Variants in DCTN1 observed in about 807,000 individuals in gnomAD.
DCTN1 encodes 150 kDa dynein-associated polypeptide.
A neutral mutation model predicts 161.2 loss-of-function variants in DCTN1; 61 were observed. The observed-to-expected ratio is 0.38, with a 90% confidence interval of 0.31 to 0.47. The LOEUF (loss-of-function observed/expected upper bound fraction) is 0.47, where lower values mean the gene tolerates loss of function less well. Among genes scored for constraint, DCTN1 ranks in the 20% least tolerant of loss-of-function variants. The pLI is 0.99. For synonymous variants in DCTN1, 653 were observed against 632.4 expected (o/e 1.03, Z -0.49); for missense variants, 1,404 against 1,623.7 (o/e 0.86, Z 2.33).
upstream of DCTN1, chr2:74,380,592 A>C (rs1346087172): frequency 2.1e-6 from 1 of 471,416 alleles, no homozygotes; most frequent in South Asian, 1.5e-5. Context: ...TAGAGCCTCC[A>C]CACAGCCAAA....
intron 1 of DCTN1, 129 bp downstream of exon 1, chr2:74,379,876 G>C (rs763546381): frequency 6.2e-6 from 6 of 974,386 alleles, no homozygotes; most frequent in African/African-American, 3.2e-5. Context: ...GGGCTCCTTA[G>C]AAAACACAGT....
At chr2:74,390,538 TAAA>T (rs1675944769) in intron 1 of DCTN1, 4 of 402,444 alleles carry the variant, frequency 9.9e-6, no homozygotes, top group Non-Finnish European at 2.1e-5. Flanking sequence ...CACAGAATTT[TAAA>T]TCTGAAAGAA....
chr2:74,380,895 A>G (rs937431241), upstream of DCTN1, among the ~76,000 whole-genome samples: 1 of 152,184 alleles, frequency 6.6e-6, no homozygotes, highest in African/African-American at 2.4e-5. Flanking sequence ...GTAAAACACA[A>G]GAGTATCAGA....
chr2:74,368,416 A>G, intron 16 of DCTN1: 1 of 604,822 alleles, frequency 1.7e-6, no homozygotes, highest in East Asian at 2.9e-5. Flanking sequence ...CTCTCCACCT[A>G]GAATGCTATC....
Position 74,370,553 on chromosome 2 carries a change from G to C in DCTN1, c.1049-9C>G. The C allele has an allele frequency of 6.2e-7, 1 of 1,614,098 alleles. No individual in the cohort carries two copies. Among genetic ancestry groups the C allele is most frequent in the Non-Finnish European group, 8.5e-7 (1 of 1,180,044 alleles). ...TGCAGCGCCATCTGAGCCTGGAGAA[G>C]ATCATTAACACTTTCAGGCATGGTT... On this transcript the variant is annotated splice_polypyrimidine_tract_variant and intron_variant, in intron 10 of 31. Coordinates refer to ENST00000628224, the MANE Select transcript of DCTN1 (RefSeq NM_004082.5). The surrounding 1 kb of genome is among the most constrained non-coding windows in gnomAD (Gnocchi z 4.4).
Position 74,367,440 on chromosome 2 carries a change from A to G in DCTN1, c.2185-20T>C. The G allele has an allele frequency of 1.2e-6, 2 of 1,614,032 alleles. No homozygotes were observed. Among genetic ancestry groups the G allele is most frequent in the Non-Finnish European group, 8.5e-7 (1 of 1,179,960 alleles). ...CAGATGCTGAGGAGAGATAACAGAC[A>G]GACAACTTTTAGGCCCTGGAGCGGG... is the stretch of plus-strand genomic sequence containing the variant. On this transcript the variant is annotated intron_variant, in intron 18 of 31. Coordinates refer to ENST00000628224, the MANE Select transcript of DCTN1 (RefSeq NM_004082.5).
upstream of DCTN1, chr2:74,380,415 A>G (rs538254993): frequency 2.0e-6 from 1 of 500,036 alleles, no homozygotes; most frequent in East Asian, 5.9e-5. Flanking sequence ...CATACGCCAC[A>G]GACCCTCAGC....
At position 74,366,858 on chromosome 2, in the gene DCTN1, G is replaced by C; in HGVS notation, c.2391C>G (p.Phe797Leu). The change falls in exon 21 of 32, where the codon TTC (phenylalanine) becomes TTG (leucine). Residue 797 changes from phenylalanine (F) to leucine (L), a missense_variant. Phe to Leu is a conservative substitution (Grantham distance 22). Transcript: ENST00000628224. ...GCATTCGCCTTCGGATCTTCTTGCA[G>C]AACTGGCGGATGTCACTGCATGAAG... The part of the protein sequence containing the change: ...LETSCSDIRQ[F>L]CKKIRRRMPG... The C allele has an allele frequency of 6.2e-7, 1 of 1,614,234 alleles. No individual in the cohort carries two copies. The highest frequency in any genetic ancestry group is 8.5e-7 in the Non-Finnish European group (1 of 1,180,046).
intron 1 of DCTN1, among the ~76,000 whole-genome samples, chr2:74,387,460 A>G (rs1675784033): frequency 6.6e-6 from 1 of 152,166 alleles, no homozygotes; most frequent in African/African-American, 2.4e-5. Flanking sequence ...CTCAAGTTCA[A>G]TATGACCCAA....
Position 74,372,220 on chromosome 2 carries a change from G to T in DCTN1, c.454-492C>A, listed in dbSNP as rs116728948. ...ACAGAAGGTTGGGCCAAAAGTGGGG[G>T]TGCCAGGCTCTCTACCCCTGCTAAG... On this transcript the variant is annotated intron_variant, in intron 7 of 31. Coordinates refer to ENST00000628224, the MANE Select transcript of DCTN1 (RefSeq NM_004082.5). 2.3e-3 allele frequency among the ~76,000 whole-genome samples: 354 copies of T among 152,320 alleles called. 4 individuals are homozygous for T. The highest frequency in any genetic ancestry group is 8.2e-3 in the African/African-American group (339 of 41,554).
upstream of DCTN1, among the ~76,000 whole-genome samples, chr2:74,383,197 G>A (rs1337130601): frequency 6.6e-6 from 1 of 152,232 alleles, no homozygotes; most frequent in African/African-American, 2.4e-5. Flanking sequence ...TGCTTGACTA[G>A]CGAATAGTAA....
chr2:74,371,591 G>T lies in DCTN1; in HGVS notation c.591C>A (p.Pro197=). Residue 197 remains proline (P), a synonymous_variant, in exon 8 of 32, where the codon CCC becomes CCA. Coordinates refer to ENST00000628224, the MANE Select transcript of DCTN1 (RefSeq NM_004082.5). ...AQTPLAAPII[P]TPVLTSPGAV... is the part of the protein sequence containing the mutation. ...CTCCAGGAGAGGTGAGGACCGGCGT[G>T]GGGATGATGGGTGCTGCCAGCGGAG... 2 of 1,588,290 alleles carry T rather than the reference G, an allele frequency of 1.3e-6. No homozygotes were observed. Among genetic ancestry groups the T allele is most frequent in the Non-Finnish European group, 1.7e-6 (2 of 1,167,810 alleles).
intron 7 of DCTN1, among the ~76,000 whole-genome samples, 165 bp downstream of exon 7, chr2:74,372,763 G>C (rs1233541327): frequency 6.6e-6 from 1 of 152,206 alleles, no homozygotes; most frequent in Non-Finnish European, 1.5e-5. Flanking sequence ...ATTTTCCCCA[G>C]GAGGTGCCTG....
At chr2:74,363,880 G>C in intron 26 of DCTN1, 1 of 594,902 alleles carries the variant, frequency 1.7e-6, no homozygotes, top group Admixed American at 2.5e-5. Context: ...CAGTGGCAAA[G>C]AGAGTGTGCA....
Position 74,387,998 on chromosome 2 carries a change from A to C in DCTN1, c.-19+3796T>G, listed in dbSNP as rs140284098. Among the ~76,000 whole-genome samples the C allele has an allele frequency of 4.9e-4, 75 of 151,812 alleles. 1 individual carries two copies. The East Asian group carries it at 0.013, about 27-fold the overall frequency. On this transcript the variant is annotated intron_variant, in intron 1 of 27. Transcript: ENST00000409240. Reference sequence around the variant, plus strand: ...CCAGGAGTTTGAGATCAGCCTGGACAACATGGTGAAAGCCTGTCTCTACTA... The same window carrying C: ...CCAGGAGTTTGAGATCAGCCTGGACCACATGGTGAAAGCCTGTCTCTACTA...
chr2:74,375,795 T>C (rs1675187723), intron 5 of DCTN1, among the ~76,000 whole-genome samples: 1 of 152,154 alleles, frequency 6.6e-6, no homozygotes, highest in Non-Finnish European at 1.5e-5. Flanking sequence ...GTCTCTACCA[T>C]GGCAAGACTC....
At chr2:74,377,496 T>A (rs377320515) in intron 3 of DCTN1, 30 bp from the exon 4 acceptor site, 1 of 1,603,594 alleles carries the variant, frequency 6.2e-7, no homozygotes, top group South Asian at 1.1e-5. Context: ...ACAAAGTGTG[T>A]ACTTGTATAG....
intron 1 of DCTN1, among the ~76,000 whole-genome samples, chr2:74,387,286 T>C (rs1361358557): frequency 6.6e-6 from 1 of 152,122 alleles, no homozygotes. Context: ...TGCACGTCAA[T>C]CCTTCTCATC....
rs2103643271 is a variant in DCTN1 at position 74,369,058 on chromosome 2, T to A, written c.1701+40A>T. The A allele has an allele frequency of 6.2e-7, 1 of 1,604,210 alleles. No homozygotes were observed. Among genetic ancestry groups the A allele is most frequent in the Non-Finnish European group, 8.5e-7 (1 of 1,171,932 alleles). ...GAAGCCCAGACCCCATACCAGTTCA[T>A]CCCAGGCAGGGCTCCCTCAGACCCA... On this transcript the variant is annotated intron_variant, in intron 15 of 31. Coordinates refer to ENST00000628224, the MANE Select transcript of DCTN1 (RefSeq NM_004082.5). The surrounding 1 kb of genome is among the most constrained non-coding windows in gnomAD (Gnocchi z 4.9).
Sources: allele counts gnomAD v4.1 joint callset (sites outside exome capture counted in the v4.1 genomes callset), GRCh38; gene constraint gnomAD v4.1.1; non-coding constraint Gnocchi (gnomAD v3.1); transcripts MANE v1.5; gene names NCBI Gene and HGNC (gene_info 2026-07-23, HGNC 2026-07-21).